CHST13: variants seen among roughly 807,000 people sequenced by gnomAD.
CHST13 encodes carbohydrate sulfotransferase 13, also known as C4ST-3.
A neutral mutation model predicts 7.0 loss-of-function variants in CHST13; 1 was observed. The observed-to-expected ratio is 0.14, with a 90% CI of 0.05 to 0.68. CHST13 has a LOEUF of 0.68. Ranked by LOEUF, CHST13 falls within the 30% of genes least tolerant of loss-of-function variation. The pLI, the probability that CHST13 is intolerant of heterozygous loss-of-function variation, is 0.82. For synonymous variants in CHST13, 257 were observed against 240.9 expected (o/e 1.07, Z -0.62); for missense variants, 572 against 507.9 (o/e 1.13, Z -1.21).
At chr3:126,526,360 G>A (rs1295793414) in intron 1 of CHST13, among the ~76,000 whole-genome samples, 1 of 152,234 alleles carries the variant, frequency 6.6e-6, no homozygotes, top group East Asian at 1.9e-4. Context: ...AGGGCCTGCA[G>A]TGTCTCTGCA....
At chr3:126,530,143 A>C (rs1243775370) in intron 1 of CHST13, among the ~76,000 whole-genome samples, 1 of 152,148 alleles carries the variant, frequency 6.6e-6, no homozygotes, top group African/African-American at 2.4e-5. Context: ...CTGTCCCTCC[A>C]TGGCAGCCTG....
At chr3:126,524,684 C>T (rs937752645) in intron 1 of CHST13, among the ~76,000 whole-genome samples, 28 of 152,296 alleles carry the variant, frequency 1.8e-4, no homozygotes, top group African/African-American at 5.0e-4. Flanking sequence ...ACAGCCGGTG[C>T]CTGGAGACCG....
At chr3:126,537,164 A>G (rs1936813732) in intron 2 of CHST13, among the ~76,000 whole-genome samples, 1 of 152,172 alleles carries the variant, frequency 6.6e-6, no homozygotes, top group Non-Finnish European at 1.5e-5. Context: ...CCTAGTTTAG[A>G]TGGGGGAGAG....
chr3:126,526,830 C>G (rs1353057842), intron 1 of CHST13, among the ~76,000 whole-genome samples: 1 of 152,254 alleles, frequency 6.6e-6, no homozygotes, highest in Admixed American at 6.5e-5. Flanking sequence ...CTCCCAATGG[C>G]AGACCCCTGG....
At position 126,542,383 on chromosome 3, in the gene CHST13, G is replaced by A. The variant is rs111645062; in HGVS notation, c.831G>A (p.Val277=). 6.4e-4 allele frequency: 990 copies of A among 1,558,092 alleles called. 10 individuals carry two copies. The African/African-American group carries it at 0.011, about 18-fold the overall frequency. ...FETLAEDAAF[V]LGLAGASDLS... ...CGCTGGCGGAGGACGCGGCCTTCGT[G>A]CTGGGCCTGGCGGGCGCATCCGACC... Residue 277 remains valine, a synonymous_variant, in exon 3 of 3, where the codon GTG becomes GTA. Transcript: ENST00000319340.
At chr3:126,538,499 AC>A (rs1560141563) in intron 2 of CHST13, among the ~76,000 whole-genome samples, 1 of 152,218 alleles carries the variant, frequency 6.6e-6, no homozygotes, top group African/African-American at 2.4e-5. Context: ...GCAACGACAC[AC>A]GAAGCTGAAG....
At chr3:126,528,309 A>G (rs1295609084) in intron 1 of CHST13, among the ~76,000 whole-genome samples, 1 of 152,122 alleles carries the variant, frequency 6.6e-6, no homozygotes, top group African/African-American at 2.4e-5. Flanking sequence ...GCACTGGGCA[A>G]GGTTGCAGGG....
At chr3:126,533,339 T>C (rs1440709559) in intron 1 of CHST13, among the ~76,000 whole-genome samples, 1 of 152,190 alleles carries the variant, frequency 6.6e-6, no homozygotes, top group Non-Finnish European at 1.5e-5. Context: ...AGTCTTTCAC[T>C]ATTAAGTTAT....
At chr3:126,536,075 T>C (rs1486254506) in intron 1 of CHST13, among the ~76,000 whole-genome samples, 196 bp from the exon 2 acceptor site, 3 of 152,090 alleles carry the variant, frequency 2.0e-5, no homozygotes, top group Non-Finnish European at 4.4e-5. Flanking sequence ...CACAAGATAC[T>C]ACCCTGATGT....
chr3:126,533,652 T>A (rs1385636364), intron 1 of CHST13, among the ~76,000 whole-genome samples: 1 of 152,218 alleles, frequency 6.6e-6, no homozygotes, highest in East Asian at 1.9e-4. Context: ...TTTGCACTTA[T>A]ATTCATAAGG....
In CHST13 at chr3:126,542,204, G is replaced by T; in HGVS notation, c.652G>T (p.Ala218Ser). The change falls in exon 3 of 3, where the codon GCC becomes TCC. Residue 218 changes from alanine (A) to serine (S), a missense_variant. By Grantham distance (99) the Ala-to-Ser change is moderately conservative. Coordinates refer to ENST00000319340, the MANE Select transcript of CHST13 (RefSeq NM_152889.3). ...GCCGCGCGCGCTCCCCGACGCCCGGGCCCGCGGCCACGACGTGCGCTTCGC... is the reference window on the plus strand; with the variant it reads ...GCCGCGCGCGCTCCCCGACGCCCGGTCCCGCGGCCACGACGTGCGCTTCGC... ...LRPRALPDAR[A>S]RGHDVRFAEF... The T allele has an allele frequency of 6.9e-7, 1 of 1,449,514 alleles. No homozygotes were observed. Among genetic ancestry groups the T allele is most frequent in the East Asian group, 2.9e-5 (1 of 34,064 alleles). The allele number at this position is 1,449,514 out of a possible 1,614,324, so 89.8% of individuals were successfully genotyped here.
chr3:126,540,638 A>G (rs534973518), intron 2 of CHST13, among the ~76,000 whole-genome samples: 1 of 152,212 alleles, frequency 6.6e-6, no homozygotes, highest in South Asian at 2.1e-4. Flanking sequence ...AGCAGTGCAC[A>G]CTTGGATTTT....
chr3:126,530,225 C>T (rs1475022013), intron 1 of CHST13, among the ~76,000 whole-genome samples: 2 of 152,248 alleles, frequency 1.3e-5, no homozygotes, highest in Non-Finnish European at 2.9e-5. Flanking sequence ...GCGGCCCAGC[C>T]CTGTAATCAC....
At chr3:126,539,785 CACACACCACAGACA>C (rs1936897891) in intron 2 of CHST13, among the ~76,000 whole-genome samples, 1 of 85,388 alleles carries the variant, frequency 1.2e-5, no homozygotes, top group Non-Finnish European at 2.4e-5. Flanking sequence ...ACACACACAC[CACACACCACAGACA>C]CCACACCACA....
chr3:126,526,657 C>T (rs976846723), intron 1 of CHST13, among the ~76,000 whole-genome samples: 1 of 152,210 alleles, frequency 6.6e-6, no homozygotes, highest in Non-Finnish European at 1.5e-5. Flanking sequence ...GGGAGGTCTG[C>T]GGCAGCCCCT....
chr3:126,541,380 C>T (rs1388404561), intron 2 of CHST13, among the ~76,000 whole-genome samples: 3 of 152,230 alleles, frequency 2.0e-5, no homozygotes, highest in Non-Finnish European at 4.4e-5. Context: ...TATGCAGCCT[C>T]CTGCTTTTAG....
intron 1 of CHST13, 21 bp from the exon 2 acceptor site, chr3:126,536,250 T>C: frequency 6.2e-7 from 1 of 1,610,758 alleles, no homozygotes; most frequent in South Asian, 1.1e-5. Context: ...GGTGGCGACA[T>C]CTCTCTCCTT....
intron 1 of CHST13, among the ~76,000 whole-genome samples, chr3:126,524,849 C>T (rs1936506095): frequency 6.6e-6 from 1 of 152,200 alleles, no homozygotes; most frequent in Non-Finnish European, 1.5e-5. Flanking sequence ...TCGGTCCGGT[C>T]CCTTGGTTGT....
At position 126,532,109 on chromosome 3, in the gene CHST13, T is replaced by C. The variant is rs572493585; in HGVS notation, c.98-4162T>C. Among the ~76,000 whole-genome samples the C allele has an allele frequency of 2.4e-4, 36 of 152,340 alleles. No homozygotes were observed. The East Asian group carries it at 6.4e-3, about 27-fold the overall frequency. ...TCAGATTCTTTGCCCATTTAAAAAA[T>C]TGAGTTGTCTTTTGTTGTTCCATTG... On this transcript the variant is annotated intron_variant, in intron 1 of 2. Coordinates refer to ENST00000319340, the MANE Select transcript of CHST13 (RefSeq NM_152889.3).
Sources: gnomAD v4.1 joint callset for allele counts (sites outside exome capture counted in the v4.1 genomes callset) on GRCh38, gnomAD v4.1.1 for gene constraint, MANE v1.5 for transcripts, NCBI Gene and HGNC (gene_info 2026-07-23, HGNC 2026-07-21) for gene names.